The following VWF variants were observed in gnomAD, a reference collection of about 807,000 sequenced individuals.
The protein encoded by VWF is Factor VIII related antigen.
Under a neutral mutation model 308.6 loss-of-function variants are expected in VWF, and 176 were observed. The observed-to-expected ratio is 0.57, with a 90% CI of 0.50 to 0.65. The LOEUF (loss-of-function observed/expected upper bound fraction) is 0.65, where lower values mean the gene tolerates loss of function less well. Among genes scored for constraint, VWF ranks in the 30% least tolerant of loss-of-function variants. VWF has a pLI of 0.00. For missense variants in VWF, 3,146 were observed against 3,648.2 expected (o/e 0.86, Z 3.55); for synonymous variants, 1,385 against 1,443.4 (o/e 0.96, Z 0.92).
At chr12:6,092,624 T>TGAGAGA (rs1180180618) in intron 6 of VWF, among the ~76,000 whole-genome samples, 2 of 87,014 alleles carry the variant, frequency 2.3e-5, no homozygotes, top group South Asian at 6.8e-4. Flanking sequence ...TGAGAGTGTG[T>TGAGAGA]GTGTGTGTGT....
chr12:6,032,712 C>T (rs982505701), intron 20 of VWF, among the ~76,000 whole-genome samples: 2 of 152,008 alleles, frequency 1.3e-5, no homozygotes, highest in Admixed American at 1.3e-4. Context: ...GAGCAAACCA[C>T]TTACCTTTCT....
intron 34 of VWF, among the ~76,000 whole-genome samples, chr12:6,000,060 G>A (rs189857116): frequency 8.3e-4 from 126 of 151,988 alleles, no homozygotes; most frequent in African/African-American, 2.9e-3. Flanking sequence ...GAGAAAAAAT[G>A]GACTCTTAAA....
In VWF at chr12:6,105,306, G is replaced by A. The variant is rs1267492117; in HGVS notation, c.532+5068C>T. On this transcript the variant is annotated intron_variant, in intron 5 of 51. Transcript: ENST00000261405. ...TGCAGTGGGGCGATCTCGGCTCATT[G>A]CAACCTCCGTCCCCTGGGTTCAAGC... is the stretch of plus-strand genomic sequence containing the variant. Among the ~76,000 whole-genome samples, 6 of 151,978 alleles carry A rather than the reference G, an allele frequency of 3.9e-5. No homozygotes were observed. The East Asian group carries it at 7.7e-4, about 20-fold the overall frequency.
rs2229444 is a variant in VWF, at chr12:6,110,516, G to A, written c.390C>T (p.Ser130=). The change falls in exon 5 of 52, where the codon TCC becomes TCT. Residue 130 remains serine, a synonymous_variant. Coordinates refer to ENST00000261405, the MANE Select transcript of VWF (RefSeq NM_000552.5). The part of the protein sequence containing the change: ...LETEAGYYKL[S]GEAYGFVARI... ...TGGCCACAAAGCCATAGGCCTCACC[G>A]GACAGCTTGTAGTACCCAGCCTCAG... 9.3e-3 allele frequency: 15,041 copies of A among 1,614,116 alleles called. 917 individuals are homozygous for A. In the East Asian group the frequency reaches 0.19, roughly 20 times the overall value.
Position 6,019,743 on chromosome 12 carries a change from G to A in VWF, c.3675C>T (p.Cys1225=). Residue 1225 remains cysteine, a splice_region_variant and synonymous_variant, in exon 28 of 52, where the codon TGC becomes TGT. Transcript: ENST00000261405. The surrounding 1 kb of genome is among the most constrained non-coding windows in gnomAD (Gnocchi z 5.8). ...AGGTGAGGTTGACAACATCACAGTG[G>A]CTGCAGAAAAGAGCGAAGAAATTAA... The part of the protein sequence containing the change: ...NPSDPEHCQI[C]HCDVVNLTCE... 1 of 1,611,638 alleles carries A rather than the reference G, an allele frequency of 6.2e-7. No homozygotes were observed.
intron 3 of VWF, among the ~76,000 whole-genome samples, chr12:6,119,609 G>A (rs1025742652): frequency 1.3e-5 from 2 of 152,216 alleles, no homozygotes; most frequent in African/African-American, 4.8e-5. Context: ...ACTTTGGGAG[G>A]CTGAGGCGGG....
intron 34 of VWF, among the ~76,000 whole-genome samples, chr12:5,999,725 T>C (rs1943850594): frequency 6.6e-6 from 1 of 151,818 alleles, no homozygotes. Context: ...TATGAGACAA[T>C]ACTCAAACTG....
chr12:5,985,614 G>A lies in VWF; in HGVS notation c.6850C>T (p.Leu2284Phe). ...GTGCAGTTGACCTTCCGCCCGCTGA[G>A]GCATGTGCAGATCTGACAGGGCTGG... ...DHQPCQICTC[L>F]SGRKVNCTTQ... Residue 2284 changes from leucine to phenylalanine, a missense_variant, in exon 39 of 52, where the codon CTC becomes TTC. Physicochemically the swap from Leu to Phe is conservative, Grantham distance 22 (BLOSUM62 0). This residue lies in a region of VWF where 989 missense variants were observed against 1,117.4 expected (regional missense o/e 0.89). Transcript: ENST00000261405. The A allele has an allele frequency of 1.2e-6, 2 of 1,614,192 alleles. No homozygotes were observed. The highest frequency in any genetic ancestry group is 1.7e-6 in the Non-Finnish European group (2 of 1,180,046).
intron 50 of VWF, among the ~76,000 whole-genome samples, chr12:5,950,369 C>A (rs1320662579): frequency 3.3e-5 from 5 of 152,068 alleles, no homozygotes; most frequent in Admixed American, 3.3e-4. Context: ...CCGAGAAGAT[C>A]CCTAGGCACC....
At chr12:6,092,016 G>C (rs895434996) in intron 6 of VWF, among the ~76,000 whole-genome samples, 2 of 152,182 alleles carry the variant, frequency 1.3e-5, no homozygotes, top group Non-Finnish European at 2.9e-5. Flanking sequence ...CTCACGCTCT[G>C]CAGAGTGGCC....
chr12:6,017,439 G>A (rs766459961), intron 28 of VWF, among the ~76,000 whole-genome samples: 1 of 152,194 alleles, frequency 6.6e-6, no homozygotes, highest in Non-Finnish European at 1.5e-5. Flanking sequence ...ATCTATGGCC[G>A]TGAATAAAAA....
In VWF at chr12:6,006,903, T is replaced by A. The variant is rs182009781; in HGVS notation, c.5842+4714A>T. On this transcript the variant is annotated intron_variant, in intron 34 of 51. Coordinates refer to ENST00000261405, the MANE Select transcript of VWF (RefSeq NM_000552.5). Reference sequence around the variant, plus strand: ...TTTAAAGTGAGAAGATGGAAAAAGATATTTCATGCCAATGTTAACTAAAAG... The same window carrying A: ...TTTAAAGTGAGAAGATGGAAAAAGAAATTTCATGCCAATGTTAACTAAAAG... 2.0e-3 allele frequency among the ~76,000 whole-genome samples: 300 copies of A among 152,332 alleles called. 2 individuals are homozygous for A. The highest frequency in any genetic ancestry group is 6.3e-3 in the African/African-American group (263 of 41,572).
intron 47 of VWF, among the ~76,000 whole-genome samples, chr12:5,964,443 C>A (rs1008791805): frequency 3.9e-5 from 6 of 152,196 alleles, no homozygotes; most frequent in Admixed American, 1.3e-4. Flanking sequence ...ATCACATAAT[C>A]CCAGAATTTT....
At chr12:5,982,573 T>C (rs1943618813) in intron 41 of VWF, among the ~76,000 whole-genome samples, 1 of 152,146 alleles carries the variant, frequency 6.6e-6, no homozygotes, top group South Asian at 2.1e-4. Flanking sequence ...TCCTCCCACC[T>C]TGAAGTCTCA....
intron 32 of VWF, among the ~76,000 whole-genome samples, chr12:6,012,574 C>A (rs1346094720): frequency 2.0e-5 from 3 of 151,838 alleles, no homozygotes; most frequent in African/African-American, 7.3e-5. Flanking sequence ...CCTTTAAGGG[C>A]AAACTTGCAT....
intron 5 of VWF, among the ~76,000 whole-genome samples, chr12:6,100,198 T>C (rs1192415352): frequency 6.6e-6 from 1 of 151,722 alleles, no homozygotes; most frequent in Non-Finnish European, 1.5e-5. Context: ...TGAGATACCA[T>C]CTCACACCAG....
At chr12:5,949,452 A>G (rs1299310075) in intron 51 of VWF, among the ~76,000 whole-genome samples, 1 of 152,152 alleles carries the variant, frequency 6.6e-6, no homozygotes, top group Admixed American at 6.5e-5. Flanking sequence ...TTAATGCATA[A>G]AATGTTTTAT....
chr12:6,030,959 G>A (rs11835829), intron 21 of VWF, among the ~76,000 whole-genome samples: 38,048 of 151,960 alleles, frequency 0.25, 5,063 homozygotes, highest in African/African-American at 0.32. Flanking sequence ...AACCCTAGAG[G>A]TGGAGGTTGC....
In VWF at chr12:5,949,066, C is replaced by T. The variant is rs368635198; in HGVS notation, c.8391G>A (p.Glu2797=). The T allele has an allele frequency of 1.2e-5, 19 of 1,614,062 alleles. No individual in the cohort carries two copies. The African/African-American group carries it at 1.5e-4, about 12-fold the overall frequency. ...ATTTGCACTCCATGGCATTGAGAAC[C>T]TCATGGTACACAACAGAGCCATTGG... ...HCTNGSVVYH[E]VLNAMECKCS... is the part of the protein sequence containing the mutation. Residue 2797 remains glutamate, a synonymous_variant, in exon 52 of 52, where the codon GAG becomes GAA. Coordinates refer to ENST00000261405, the MANE Select transcript of VWF (RefSeq NM_000552.5).
Sources: allele counts gnomAD v4.1 joint callset (sites outside exome capture counted in the v4.1 genomes callset), GRCh38; gene constraint gnomAD v4.1.1; regional missense constraint gnomAD v4.1.1; non-coding constraint Gnocchi (gnomAD v3.1); transcripts MANE v1.5; gene names NCBI Gene and HGNC (gene_info 2026-07-23, HGNC 2026-07-21).